Variants in PPM1H observed in about 807,000 individuals in gnomAD.
PPM1H encodes protein phosphatase, Mg2+/Mn2+ dependent 1H.
A neutral mutation model predicts 54.9 loss-of-function variants in PPM1H; 27 were observed. The observed-to-expected ratio is 0.49, with a 90% CI of 0.36 to 0.68. The LOEUF (loss-of-function observed/expected upper bound fraction) is 0.68, where lower values mean the gene tolerates loss of function less well. PPM1H is among the 30% of genes least tolerant of loss of function. PPM1H has a pLI of 0.00. For missense variants in PPM1H, 596 were observed against 667.8 expected (o/e 0.89, Z 1.19); for synonymous variants, 305 against 270.8 (o/e 1.13, Z -1.24).
chr12:62,794,449 A>ACCAATCTAGCTGC (rs2120724094), intron 3 of PPM1H, among the ~76,000 whole-genome samples: 1 of 152,228 alleles, frequency 6.6e-6, no homozygotes, highest in African/African-American at 2.4e-5. Context: ...ATTTCCAATC[A>ACCAATCTAGCTGC]TTTACCCAGT....
At position 62,737,549 on chromosome 12, in the gene PPM1H, A is replaced by G; in HGVS notation, c.907T>C (p.Ser303Pro). 6.3e-7 allele frequency: 1 copy of G among 1,587,594 alleles called. No individual in the cohort carries two copies. Among genetic ancestry groups the G allele is most frequent in the South Asian group, 1.2e-5 (1 of 86,438 alleles). Residue 303 changes from serine (S) to proline (P), a missense_variant, in exon 5 of 10, where the codon TCT (serine) becomes CCT (proline). Around this residue, in one of 3 missense-constraint regions of PPM1H, gnomAD observed 6 missense variants for 21.2 expected, o/e 0.28. Transcript: ENST00000228705. ...TCCGTCTCGGGGGTAAATTCTGAAG[A>G]CATGGGGATAATTTCTCCATTTCTG... The part of the protein sequence containing the change: ...IIRNGEIIPM[S>P]SEFTPETERQ...
At position 62,844,916 on chromosome 12, in the gene PPM1H, C is replaced by A. The variant is rs894849138; in HGVS notation, c.246-12637G>T. On this transcript the variant is annotated intron_variant, in intron 1 of 9. Coordinates refer to ENST00000228705, the MANE Select transcript of PPM1H (RefSeq NM_020700.2). This position sits in a 1 kb window ranked among gnomAD's most constrained non-coding sequence, Gnocchi z 5.2. ...AGAAAAAAATTAATTATAAGCACTTCTACTAGGAAATGAGCTTGGGAGTAG... is the reference window on the plus strand; with the variant it reads ...AGAAAAAAATTAATTATAAGCACTTATACTAGGAAATGAGCTTGGGAGTAG... Among the ~76,000 whole-genome samples, 1 of 152,172 alleles carries A rather than the reference C, an allele frequency of 6.6e-6. No individual in the cohort carries two copies. The highest frequency in any genetic ancestry group is 1.9e-4 in the East Asian group (1 of 5,186).
At chr12:62,836,213 G>A (rs7311601) in intron 1 of PPM1H, among the ~76,000 whole-genome samples, 5,412 of 152,280 alleles carry the variant, frequency 0.036, 305 homozygotes, top group African/African-American at 0.12. Context: ...TTATTTTCCA[G>A]TTTACAAAGA....
intron 4 of PPM1H, among the ~76,000 whole-genome samples, chr12:62,762,182 A>G (rs11174634): frequency 0.41 from 63,025 of 152,090 alleles, 13,367 homozygotes; most frequent in Non-Finnish European, 0.45. Flanking sequence ...TCTGTCTTGC[A>G]CAGGTGGTCA....
chr12:62,756,625 G>A (rs1306942559), intron 4 of PPM1H, among the ~76,000 whole-genome samples: 2 of 151,996 alleles, frequency 1.3e-5, no homozygotes, highest in African/African-American at 4.8e-5. Flanking sequence ...CTAAGACTCA[G>A]GTGAGCTGGT....
At position 62,666,884 on chromosome 12, in the gene PPM1H, T is replaced by C. The variant is rs184650907; in HGVS notation, c.1397+294A>G. Among the ~76,000 whole-genome samples the C allele has an allele frequency of 3.3e-3, 497 of 152,212 alleles. 3 individuals are homozygous for C. The highest frequency in any genetic ancestry group is 4.2e-3 in the Non-Finnish European group (287 of 68,014). On this transcript the variant is annotated intron_variant, in intron 9 of 9. Transcript: ENST00000228705. ...GCCCACCACCATGCCCAGCTAATTT[T>C]TGTATTTTTAGTAGAGACAGGGTTT...
chr12:62,746,181 C>G (rs1244875949), intron 4 of PPM1H, among the ~76,000 whole-genome samples: 1 of 151,908 alleles, frequency 6.6e-6, no homozygotes, highest in Non-Finnish European at 1.5e-5. Context: ...GGCAACAGAG[C>G]AAGATCCTGT....
At chr12:62,710,193 A>G (rs2076199274) in intron 6 of PPM1H, among the ~76,000 whole-genome samples, 1 of 152,124 alleles carries the variant, frequency 6.6e-6, no homozygotes, top group Non-Finnish European at 1.5e-5. Context: ...TGACCCTCCC[A>G]GCTTCTTGGG....
intron 5 of PPM1H, among the ~76,000 whole-genome samples, chr12:62,726,109 A>T (rs574743709): frequency 9.2e-5 from 14 of 152,226 alleles, no homozygotes; most frequent in Non-Finnish European, 1.9e-4. Context: ...TTCAATACTT[A>T]CTGCTGTTGC....
intron 1 of PPM1H, among the ~76,000 whole-genome samples, chr12:62,881,056 C>G (rs901543059): frequency 9.9e-5 from 15 of 152,196 alleles, no homozygotes; most frequent in African/African-American, 3.6e-4. Context: ...TCTCAGTGAT[C>G]TAACATAAGA....
intron 1 of PPM1H, among the ~76,000 whole-genome samples, chr12:62,912,696 G>A (rs751674231): frequency 6.6e-6 from 1 of 152,158 alleles, no homozygotes; most frequent in African/African-American, 2.4e-5. Flanking sequence ...ACTCACTACA[G>A]GGCAATTAAC....
At chr12:62,867,118 A>G (rs1288700375) in intron 1 of PPM1H, among the ~76,000 whole-genome samples, 1 of 152,194 alleles carries the variant, frequency 6.6e-6, no homozygotes, top group East Asian at 1.9e-4. Context: ...AAGACAGTGC[A>G]TGGTAATTTG....
At chr12:62,930,423 G>T (rs1397791287) in intron 1 of PPM1H, among the ~76,000 whole-genome samples, 1 of 152,182 alleles carries the variant, frequency 6.6e-6, no homozygotes, top group Non-Finnish European at 1.5e-5. Flanking sequence ...GTAAACAAAT[G>T]TATCACTGAT....
intron 9 of PPM1H, among the ~76,000 whole-genome samples, chr12:62,660,106 C>T (rs960130360): frequency 6.6e-6 from 1 of 152,190 alleles, no homozygotes; most frequent in East Asian, 1.9e-4. Flanking sequence ...ACTCATATTT[C>T]CATTTGGCAT....
intron 2 of PPM1H, among the ~76,000 whole-genome samples, chr12:62,817,189 G>A (rs1162065617): frequency 7.3e-6 from 1 of 136,908 alleles, no homozygotes; most frequent in Non-Finnish European, 1.5e-5. Context: ...CTGGCCAGGC[G>A]CAGTGGTTCA....
At position 62,935,121 on chromosome 12, in the gene PPM1H, G is replaced by C. The variant is rs1022713692; in HGVS notation, c.-385C>G. 6.4e-6 allele frequency: 1 copy of C among 155,998 alleles called. No homozygotes were observed. Among genetic ancestry groups the C allele is most frequent in the Non-Finnish European group, 1.4e-5 (1 of 70,636 alleles). The allele number at this position is 155,998 out of a possible 1,614,324, so 9.7% of individuals were successfully genotyped here. A position where few individuals can be genotyped will look rare whatever the true frequency, so the allele number is the denominator to read the frequency against. On this transcript the variant is annotated 5_prime_UTR_variant, in exon 1 of 10. Transcript: ENST00000228705. ...GCGAGCTCGCGGAGCCGCCGCGGCT[G>C]CTGCCACGGCTACTGCCGCCGGGTC...
At chr12:62,780,654 T>G (rs1055383239) in intron 4 of PPM1H, among the ~76,000 whole-genome samples, 20 of 152,236 alleles carry the variant, frequency 1.3e-4, no homozygotes, top group African/African-American at 4.6e-4. Context: ...TTACCTTTAC[T>G]GTGGTTAAGC....
At chr12:62,712,052 A>G (rs1233108608) in intron 6 of PPM1H, among the ~76,000 whole-genome samples, 1 of 152,242 alleles carries the variant, frequency 6.6e-6, no homozygotes, top group Non-Finnish European at 1.5e-5. Flanking sequence ...AAAGATGCAG[A>G]ACATGCACAT....
At chr12:62,715,185 G>T (rs776492417) in intron 6 of PPM1H, among the ~76,000 whole-genome samples, 5 of 152,248 alleles carry the variant, frequency 3.3e-5, no homozygotes, top group Non-Finnish European at 7.3e-5. Context: ...TGCGGGTCGG[G>T]ATACACTGCT....
Sources: allele counts gnomAD v4.1 joint callset (sites outside exome capture counted in the v4.1 genomes callset), GRCh38; gene constraint gnomAD v4.1.1; regional missense constraint gnomAD v4.1.1; non-coding constraint Gnocchi (gnomAD v3.1); transcripts MANE v1.5; gene names NCBI Gene and HGNC (gene_info 2026-07-23, HGNC 2026-07-21).